Variants in FSD2 observed in about 807,000 individuals in gnomAD.
FSD2 encodes the protein fibronectin type III and SPRY domain-containing protein 2.
Under a neutral mutation model 80.4 loss-of-function variants are expected in FSD2, and 71 were observed. That is an observed-to-expected ratio of 0.88 (90% confidence interval 0.73 to 1.08). The LOEUF (loss-of-function observed/expected upper bound fraction) is 1.08. Among genes scored for constraint, FSD2 ranks in the 50% least tolerant of loss-of-function variants. The pLI is 0.00. For synonymous variants in FSD2, 361 were observed against 329.5 expected, an observed-to-expected ratio of 1.10 and a Z score of -1.03; for missense variants, 923 against 913.8, an observed-to-expected ratio of 1.01 and a Z score of -0.13.
At chr15:82,764,492 CTTTTTT>C (rs60095355) in intron 11 of FSD2, among the ~76,000 whole-genome samples, 10 of 86,138 alleles carry the variant, frequency 1.2e-4, no homozygotes, top group African/African-American at 1.4e-4. Context: ...TCTTTACTTG[CTTTTTT>C]TTTTTTTTTT....
At chr15:82,762,560 A>G (rs1483879931) in intron 11 of FSD2, among the ~76,000 whole-genome samples, 2 of 152,202 alleles carry the variant, frequency 1.3e-5, no homozygotes, top group Non-Finnish European at 2.9e-5. Context: ...CTTTCATAGA[A>G]AAAGGTTTGG....
Position 82,780,270 on chromosome 15 carries a change from A to C in FSD2, c.967-3T>G. On this transcript the variant is annotated splice_region_variant and splice_polypyrimidine_tract_variant and intron_variant, in intron 4 of 12. Transcript: ENST00000334574. The stretch of plus-strand genomic sequence containing the variant: ...CTGTCAGCCATAGCCACTGCATCCT[A>C]AAAAGGAAAAAGAGAAAATATTAAG... The C allele has an allele frequency of 6.7e-7, 1 of 1,486,218 alleles. No homozygotes were observed. The highest frequency in any genetic ancestry group is 9.0e-7 in the Non-Finnish European group (1 of 1,110,422). The allele number at this position is 1,486,218 out of a possible 1,614,324, so 92.1% of individuals were successfully genotyped here. A position where few individuals can be genotyped will look rare whatever the true frequency, so the allele number is the denominator to read the frequency against.
intron 12 of FSD2, among the ~76,000 whole-genome samples, chr15:82,760,538 G>C (rs186712035): frequency 2.1e-3 from 313 of 152,290 alleles, no homozygotes; most frequent in Admixed American, 4.4e-3. Context: ...GTCAGAGGAA[G>C]CCTGCCTGTC....
At chr15:82,779,688 A>C (rs2049806416) in intron 5 of FSD2, among the ~76,000 whole-genome samples, 1 of 151,858 alleles carries the variant, frequency 6.6e-6, no homozygotes, top group Non-Finnish European at 1.5e-5. Flanking sequence ...AAAGAATTTG[A>C]AACCAGTTCC....
At chr15:82,763,152 G>A (rs933432845) in intron 11 of FSD2, among the ~76,000 whole-genome samples, 3 of 152,152 alleles carry the variant, frequency 2.0e-5, no homozygotes, top group Middle Eastern at 3.2e-3. Context: ...TCCACTTGTT[G>A]TTTCAAATTC....
intron 10 of FSD2, among the ~76,000 whole-genome samples, chr15:82,765,556 G>C (rs2151489937): frequency 6.6e-6 from 1 of 152,284 alleles, no homozygotes; most frequent in Admixed American, 6.5e-5. Context: ...AGAGGCACAA[G>C]GTGGTTAAGA....
At chr15:82,795,785 T>C (rs1235353324) in intron 1 of FSD2, among the ~76,000 whole-genome samples, 1 of 151,682 alleles carries the variant, frequency 6.6e-6, no homozygotes, top group Non-Finnish European at 1.5e-5. Flanking sequence ...TGAGCTGAGA[T>C]TGCACTCCTT....
intron 7 of FSD2, among the ~76,000 whole-genome samples, chr15:82,770,995 C>G (rs547483799): frequency 6.6e-6 from 1 of 152,240 alleles, no homozygotes; most frequent in East Asian, 1.9e-4. Context: ...TCCCCAACCC[C>G]CCTTTTCAAA....
rs1454367011 is a variant in FSD2, at chr15:82,757,834, G to A, written c.*1514C>T. On this transcript the variant is annotated 3_prime_UTR_variant, in exon 13 of 13. Transcript: ENST00000334574. ...GAGCTGCCATTTATACGAGTAGGCAGAGTTTAGTAGGAGATGAGAGTCTTT... is the reference window on the plus strand; with the variant it reads ...GAGCTGCCATTTATACGAGTAGGCAAAGTTTAGTAGGAGATGAGAGTCTTT... 6.6e-6 allele frequency: 1 copy of A among 152,226 alleles called. No individual in the cohort carries two copies. Among genetic ancestry groups the A allele is most frequent in the East Asian group, 1.9e-4 (1 of 5,182 alleles). 9.4% of individuals were successfully genotyped at this position (152,226 alleles called of 1,614,324 possible). A position where few individuals can be genotyped will look rare whatever the true frequency, so the allele number is the denominator to read the frequency against.
In FSD2 at chr15:82,778,741, G is replaced by A. The variant is rs535820978; in HGVS notation, c.1111+25C>T. On this transcript the variant is annotated intron_variant, in intron 6 of 12. Transcript: ENST00000334574. ...AAGCTCTGGGTAGTCTGAACCTGCC[G>A]CGAAGTACACACACAGGTGAGCACC... 38 of 1,582,730 alleles carry A rather than the reference G, an allele frequency of 2.4e-5. No homozygotes were observed. The African/African-American group carries it at 2.6e-4, about 11-fold the overall frequency.
intron 1 of FSD2, among the ~76,000 whole-genome samples, chr15:82,792,509 C>G (rs11259948): frequency 0.49 from 74,226 of 152,034 alleles, 18,178 homozygotes; most frequent in Admixed American, 0.52. Flanking sequence ...GTGTATTCTG[C>G]ATTCTAGTCC....
chr15:82,791,869 A>G (rs1188289705), intron 1 of FSD2, among the ~76,000 whole-genome samples: 1 of 152,196 alleles, frequency 6.6e-6, no homozygotes, highest in Non-Finnish European at 1.5e-5. Context: ...CTCACTGAGC[A>G]TACTGTTTTC....
chr15:82,770,331 T>C (rs1105867), intron 7 of FSD2, among the ~76,000 whole-genome samples: 125,006 of 152,200 alleles, frequency 0.82, 51,736 homozygotes, highest in African/African-American at 0.92. Context: ...ACCAGCCCTA[T>C]CCAAGGTGGT....
At chr15:82,786,397 G>T in intron 3 of FSD2, 114 bp downstream of exon 3, 2 of 776,446 alleles carry the variant, frequency 2.6e-6, no homozygotes, top group South Asian at 1.6e-5. Context: ...GGGGAGTGGT[G>T]ACCCCTCACA....
Position 82,786,793 on chromosome 15 carries a change from G to C in FSD2, c.598C>G (p.His200Asp), listed in dbSNP as rs1258532574. ...GCTTCATTGAGTGGGATCACTTCAT[G>C]CTCCTTATGTTCATCAAAAACCTTC... Reference protein sequence around the residue: ...FQKVFDEHKEHEVIPLNEALE... With the variant: ...FQKVFDEHKEDEVIPLNEALE... Residue 200 changes from histidine to aspartate, a missense_variant, in exon 2 of 13, where the codon CAT becomes GAT. Physicochemically the swap from His to Asp is moderately conservative, Grantham distance 81. Transcript: ENST00000334574. 3.7e-6 allele frequency: 6 copies of C among 1,613,894 alleles called. No homozygotes were observed. The highest frequency in any genetic ancestry group is 5.1e-6 in the Non-Finnish European group (6 of 1,179,902).
In FSD2 at chr15:82,768,934, G is replaced by A. The variant is rs774888742; in HGVS notation, c.1499C>T (p.Ser500Leu). ...AGCCTGGGTCAGCTCCACAGTGTAC[G>A]AGTCCACAGGATTCAGGTTCCCAGA... ...WESGNLNPVD[S>L]YTVELTQAES... Residue 500 changes from serine (S) to leucine (L), a missense_variant, in exon 9 of 13, where the codon TCG becomes TTG. Coordinates refer to ENST00000334574, the MANE Select transcript of FSD2 (RefSeq NM_001007122.4). The A allele has an allele frequency of 2.7e-5, 44 of 1,606,898 alleles. No homozygotes were observed. Among genetic ancestry groups the A allele is most frequent in the East Asian group, 1.1e-4 (5 of 44,550 alleles).
intron 9 of FSD2, among the ~76,000 whole-genome samples, chr15:82,766,774 A>G (rs965184006): frequency 6.6e-6 from 1 of 150,966 alleles, no homozygotes; most frequent in Admixed American, 6.6e-5. Context: ...ATTTATGTTT[A>G]TGAGCAAACA....
intron 1 of FSD2, among the ~76,000 whole-genome samples, chr15:82,793,430 G>C (rs529915516): frequency 2.4e-4 from 36 of 152,140 alleles, no homozygotes; most frequent in Non-Finnish European, 3.8e-4. Flanking sequence ...GTATTGTCAA[G>C]TATGACATCC....
intron 9 of FSD2, among the ~76,000 whole-genome samples, 197 bp from the exon 10 acceptor site, chr15:82,766,228 C>A (rs1455866610): frequency 1.3e-5 from 2 of 152,232 alleles, no homozygotes; most frequent in Non-Finnish European, 2.9e-5. Flanking sequence ...GCTTTTCTCA[C>A]TTCATTGCTA....
Sources: gnomAD v4.1 joint callset for allele counts (sites outside exome capture counted in the v4.1 genomes callset) on GRCh38, gnomAD v4.1.1 for gene constraint, MANE v1.5 for transcripts, NCBI Gene and HGNC (gene_info 2026-07-23, HGNC 2026-07-21) for gene names.